The following SRGAP2 variants were observed in gnomAD, a reference collection of about 807,000 sequenced individuals.
SRGAP2 encodes SLIT-ROBO Rho GTPase activating protein 2.
A neutral mutation model predicts 57.2 loss-of-function variants in SRGAP2; 15 were observed. The observed-to-expected ratio is 0.26, with a 90% confidence interval of 0.18 to 0.40. The LOEUF (loss-of-function observed/expected upper bound fraction) is 0.40, where lower values mean the gene tolerates loss of function less well. Among genes scored for constraint, SRGAP2 ranks in the 10% least tolerant of loss-of-function variants. The pLI, the probability that SRGAP2 is intolerant of heterozygous loss-of-function variation, is 1.00. For synonymous variants in SRGAP2, 249 were observed against 248.0 expected (o/e 1.00, Z -0.04); for missense variants, 520 against 669.6 (o/e 0.78, Z 2.47).
chr1:206,257,758 T>C (rs1669286040), intron 2 of SRGAP2, among the ~76,000 whole-genome samples: 1 of 102,432 alleles, frequency 9.8e-6, no homozygotes, highest in African/African-American at 3.5e-5. Context: ...ATATATATAC[T>C]ATATATATAC....
At chr1:206,411,564 G>T (rs1659227307) in intron 10 of SRGAP2, among the ~76,000 whole-genome samples, 2 of 152,186 alleles carry the variant, frequency 1.3e-5, no homozygotes, top group African/African-American at 4.8e-5. Context: ...CAGCATGCCT[G>T]CATGGTGGGG....
chr1:206,430,251 T>C, intron 14 of SRGAP2, 29 bp downstream of exon 14: 1 of 780,570 alleles, frequency 1.3e-6, no homozygotes, highest in East Asian at 2.4e-5. Flanking sequence ...TTGTCCATAT[T>C]TGTGCAAAGA....
intron 17 of SRGAP2, among the ~76,000 whole-genome samples, 152 bp downstream of exon 17, chr1:206,440,233 C>T (rs377706704): frequency 6.6e-5 from 10 of 152,138 alleles, no homozygotes; most frequent in African/African-American, 4.8e-5. Flanking sequence ...TTTAATACAT[C>T]GTTAAATAAA....
intron 17 of SRGAP2, among the ~76,000 whole-genome samples, chr1:206,444,273 TGGGAGCAAGAAA>T (rs1395677054): frequency 2.0e-5 from 3 of 152,168 alleles, no homozygotes; most frequent in Admixed American, 2.0e-4. Flanking sequence ...TGTATTTTGA[TGGGAGCAAGAAA>T]ATAGACCTAG....
chr1:206,339,540 T>G (rs1277271956), intron 3 of SRGAP2, among the ~76,000 whole-genome samples: 1 of 152,154 alleles, frequency 6.6e-6, no homozygotes, highest in Non-Finnish European at 1.5e-5. Context: ...ATTGCAGTGG[T>G]ATCTAATGCA....
Position 206,454,572 on chromosome 1 carries a change from TCC to T in SRGAP2, c.2361-303_2361-302del, listed in dbSNP as rs1663651020. ...TCCAGGAGGCCGCCCCAGCACGGCCTCCCCAGGAAGCAGCATGGGGTAGAAGG... is the reference window on the plus strand; with the variant it reads ...TCCAGGAGGCCGCCCCAGCACGGCCTCCAGGAAGCAGCATGGGGTAGAAGG... On this transcript the variant is annotated intron_variant, in intron 20 of 22. Coordinates refer to ENST00000573034, the MANE Select transcript of SRGAP2 (RefSeq NM_015326.5). This position sits in a 1 kb window ranked among gnomAD's most constrained non-coding sequence, Gnocchi z 4.3. The T allele has an allele frequency of 2.4e-6, 1 of 412,810 alleles. No homozygotes were observed. The highest frequency in any genetic ancestry group is 4.3e-6 in the Non-Finnish European group (1 of 232,848). The allele number at this position is 412,810 out of a possible 1,614,324, so 25.6% of individuals were successfully genotyped here. A position where few individuals can be genotyped will look rare whatever the true frequency, so the allele number is the denominator to read the frequency against.
intron 5 of SRGAP2, among the ~76,000 whole-genome samples, chr1:206,384,440 G>T (rs1387624401): frequency 6.7e-6 from 1 of 150,352 alleles, no homozygotes; most frequent in Admixed American, 6.6e-5. Context: ...CTATTAATAT[G>T]TGCCTGTCGG....
At chr1:206,460,040 A>G (rs1664134175) in intron 22 of SRGAP2, among the ~76,000 whole-genome samples, 1 of 152,208 alleles carries the variant, frequency 6.6e-6, no homozygotes, top group Non-Finnish European at 1.5e-5. Flanking sequence ...CTTCCTGAGC[A>G]TTTTAAAGGT....
At chr1:206,354,407 G>A (rs1676274252) in intron 4 of SRGAP2, among the ~76,000 whole-genome samples, 1 of 152,098 alleles carries the variant, frequency 6.6e-6, no homozygotes. Flanking sequence ...GGCCTTTCTG[G>A]GGTTTTCATG....
intron 2 of SRGAP2, chr1:206,206,378 C>T (rs1665917563): frequency 4.3e-6 from 1 of 233,826 alleles, no homozygotes; most frequent in South Asian, 8.6e-5. Context: ...GGTCAGGTTT[C>T]CTTGAAAGAC....
At chr1:206,270,803 G>C (rs1313277709) in intron 2 of SRGAP2, among the ~76,000 whole-genome samples, 2 of 36,518 alleles carry the variant, frequency 5.5e-5, no homozygotes, top group Non-Finnish European at 1.0e-4. Flanking sequence ...ATTTCTTGAA[G>C]GATATATAAG....
chr1:206,425,089 T>G (rs12092454), intron 13 of SRGAP2, among the ~76,000 whole-genome samples: 1,626 of 152,316 alleles, frequency 0.011, 32 homozygotes, highest in African/African-American at 0.037. Flanking sequence ...CAGGCCAAAT[T>G]TTGTACTCAC....
intron 18 of SRGAP2, among the ~76,000 whole-genome samples, chr1:206,447,457 C>G (rs951372098): frequency 6.6e-6 from 1 of 152,216 alleles, no homozygotes. Context: ...CCAGTGACAT[C>G]CCTGGGTTCA....
intron 19 of SRGAP2, among the ~76,000 whole-genome samples, chr1:206,452,548 C>T (rs1438706244): frequency 2.0e-5 from 3 of 152,168 alleles, no homozygotes; most frequent in Non-Finnish European, 2.9e-5. Context: ...TGATGATAGA[C>T]GTCAAGGCAT....
rs558330811 is a variant in SRGAP2, at chr1:206,265,619, A to C, written c.68-37662A>C. 6.9e-5 allele frequency among the ~76,000 whole-genome samples: 8 copies of C among 115,356 alleles called. No individual in the cohort carries two copies. The South Asian group carries it at 2.3e-3, about 33-fold the overall frequency. 75.7% of individuals were successfully genotyped at this position (115,356 alleles called of 152,430 possible). ...ATTCTTGGTGATAGGAATCACCAAG[A>C]ATAGTGTATTGGTCTGTTTCAGAAA... On this transcript the variant is annotated intron_variant, in intron 2 of 22. Transcript: ENST00000573034.
intron 5 of SRGAP2, among the ~76,000 whole-genome samples, chr1:206,386,126 G>C (rs1656221143): frequency 6.6e-6 from 1 of 152,192 alleles, no homozygotes; most frequent in Non-Finnish European, 1.5e-5. Flanking sequence ...TGGAGGAGTA[G>C]AAGGTGCTAC....
chr1:206,328,011 T>A (rs1674091718), intron 3 of SRGAP2, among the ~76,000 whole-genome samples: 1 of 135,314 alleles, frequency 7.4e-6, no homozygotes, highest in Non-Finnish European at 1.5e-5. Context: ...CCTGTGTCCA[T>A]GTGATCTCAT....
At chr1:206,461,002 A>T in intron 22 of SRGAP2, 35 bp from the exon 23 acceptor site, 1 of 667,980 alleles carries the variant, frequency 1.5e-6, no homozygotes, top group South Asian at 1.7e-5. Flanking sequence ...TTCTCCCCTC[A>T]TTTGCCTCAC....
chr1:206,455,477 T>C, intron 21 of SRGAP2: 1 of 201,990 alleles, frequency 5.0e-6, no homozygotes, highest in South Asian at 7.4e-5. Context: ...GTGTGGCTTC[T>C]ACTAGGCTGA....
Sources: gnomAD v4.1 joint callset for allele counts (sites outside exome capture counted in the v4.1 genomes callset) on GRCh38, gnomAD v4.1.1 for gene constraint, Gnocchi (gnomAD v3.1) non-coding constraint, MANE v1.5 for transcripts, NCBI Gene and HGNC (gene_info 2026-07-23, HGNC 2026-07-21) for gene names.